The following SBF2 variants were observed in gnomAD, a reference collection of about 807,000 sequenced individuals.
The protein encoded by SBF2 is SET binding factor 2, also known as myotubularin-related protein 13.
SBF2 carries 112 observed loss-of-function variants against 225.2 expected under a neutral mutation model. That is an observed-to-expected ratio of 0.50 (90% confidence interval 0.43 to 0.58). The LOEUF is 0.58. Among genes scored for constraint, SBF2 ranks in the 20% least tolerant of loss-of-function variants. The pLI, the probability that SBF2 is intolerant of heterozygous loss-of-function variation, is 0.00. For missense variants in SBF2, 1,996 were observed against 2,206.2 expected, an observed-to-expected ratio of 0.90 and a Z score of 1.91; for synonymous variants, 763 against 773.3, an observed-to-expected ratio of 0.99 and a Z score of 0.22.
At chr11:9,994,331 C>T (rs940604594) in intron 9 of SBF2, among the ~76,000 whole-genome samples, 31 of 151,510 alleles carry the variant, frequency 2.0e-4, no homozygotes, top group Non-Finnish European at 2.5e-4. Context: ...AAAAATTAGC[C>T]GGGCGTGGTG....
At chr11:10,038,674 T>C (rs1949537832) in intron 3 of SBF2, among the ~76,000 whole-genome samples, 1 of 151,916 alleles carries the variant, frequency 6.6e-6, no homozygotes, top group African/African-American at 2.4e-5. Context: ...TTATGTCTTC[T>C]ATGTCTCTCC....
intron 1 of SBF2, among the ~76,000 whole-genome samples, chr11:10,227,615 A>G (rs571923262): frequency 3.0e-4 from 46 of 152,356 alleles, no homozygotes; most frequent in South Asian, 4.1e-4. Context: ...CAGGTTTGAC[A>G]AAGATCAGAT....
At position 10,291,115 on chromosome 11, in the gene SBF2, T is replaced by C. The variant is rs554075157; in HGVS notation, c.55+2900A>G. Among the ~76,000 whole-genome samples the C allele has an allele frequency of 3.3e-5, 5 of 152,302 alleles. No individual in the cohort carries two copies. In the South Asian group the frequency reaches 1.0e-3, roughly 32 times the overall value. On this transcript the variant is annotated intron_variant, in intron 1 of 39. Coordinates refer to ENST00000256190, the MANE Select transcript of SBF2 (RefSeq NM_030962.4). ...CTCATTGGCCATATAAAGAACAATT[T>C]GAACATCAAAATAAATAATGCTATA...
chr11:9,856,754 C>CCATCA, intron 18 of SBF2, 34 bp from the exon 19 acceptor site: 3 of 1,601,026 alleles, frequency 1.9e-6, no homozygotes, highest in Non-Finnish European at 2.6e-6. Flanking sequence ...CAAAAGAGAA[C>CCATCA]CATCACTTCA....
At chr11:10,282,766 CTA>C (rs1462262035) in intron 1 of SBF2, among the ~76,000 whole-genome samples, 5 of 152,228 alleles carry the variant, frequency 3.3e-5, no homozygotes, top group Admixed American at 3.3e-4. Context: ...AGTCACATTT[CTA>C]TGTTGTTTCT....
chr11:9,828,158 TC>T (rs1855173985), intron 28 of SBF2: 2 of 1,289,694 alleles, frequency 1.6e-6, no homozygotes, highest in Non-Finnish European at 2.0e-6. Flanking sequence ...TGGGTTTACA[TC>T]CAAATGTCCT....
chr11:10,140,909 A>C (rs1406582430), intron 2 of SBF2, among the ~76,000 whole-genome samples: 2 of 152,228 alleles, frequency 1.3e-5, no homozygotes, highest in East Asian at 3.8e-4. Flanking sequence ...AAATATTTTA[A>C]GTATAGGAAA....
intron 12 of SBF2, among the ~76,000 whole-genome samples, chr11:9,991,993 T>C (rs968605421): frequency 2.2e-4 from 34 of 152,260 alleles, no homozygotes; most frequent in African/African-American, 7.2e-4. Context: ...AAATAAGACT[T>C]CTATTTATAC....
chr11:10,050,341 T>C (rs1191500845), intron 2 of SBF2, among the ~76,000 whole-genome samples: 1 of 152,162 alleles, frequency 6.6e-6, no homozygotes, highest in Non-Finnish European at 1.5e-5. Flanking sequence ...CTCTTATCCA[T>C]GGAGGATATG....
intron 14 of SBF2, among the ~76,000 whole-genome samples, chr11:9,967,971 C>CTCTCTCTCTATATATATATATATATA (rs1260685462): frequency 2.2e-5 from 2 of 91,508 alleles, no homozygotes; most frequent in African/African-American, 7.6e-5. Flanking sequence ...CTCTCTCTCT[C>CTCTCTCTCTATATATATATATATATA]TATATATATA....
At chr11:10,243,425 A>C (rs928696769) in intron 1 of SBF2, among the ~76,000 whole-genome samples, 7 of 152,032 alleles carry the variant, frequency 4.6e-5, no homozygotes, top group South Asian at 2.1e-4. Context: ...GAAAAAAAAG[A>C]ACACACCAAA....
At chr11:9,963,528 G>C (rs1304872516) in intron 15 of SBF2, among the ~76,000 whole-genome samples, 1 of 152,094 alleles carries the variant, frequency 6.6e-6, no homozygotes, top group Non-Finnish European at 1.5e-5. Context: ...ATAGTGTTTT[G>C]TGAACAATGT....
chr11:10,299,645 G>A (rs1400474802), intron 1 of SBF2, among the ~76,000 whole-genome samples: 8 of 152,140 alleles, frequency 5.3e-5, no homozygotes, highest in Non-Finnish European at 8.8e-5. Context: ...AGAGCAGGCC[G>A]TGTGCTACTG....
intron 13 of SBF2, among the ~76,000 whole-genome samples, chr11:9,984,779 C>T (rs554614168): frequency 2.0e-4 from 30 of 152,294 alleles, no homozygotes; most frequent in African/African-American, 5.8e-4. Flanking sequence ...CTATCTTCAG[C>T]CTCCTCAAAC....
intron 2 of SBF2, among the ~76,000 whole-genome samples, chr11:10,139,428 C>T (rs1954540009): frequency 6.6e-6 from 1 of 152,114 alleles, no homozygotes; most frequent in African/African-American, 2.4e-5. Flanking sequence ...ATATATGAGG[C>T]TATTGAACAC....
intron 36 of SBF2, among the ~76,000 whole-genome samples, chr11:9,786,330 T>G (rs953052085): frequency 5.3e-5 from 8 of 152,330 alleles, no homozygotes; most frequent in Admixed American, 3.3e-4. Flanking sequence ...TTATGGGTGA[T>G]TCTCATCTTT....
intron 16 of SBF2, among the ~76,000 whole-genome samples, chr11:9,951,964 T>C (rs7938570): frequency 0.11 from 17,268 of 152,270 alleles, 1,100 homozygotes; most frequent in Non-Finnish European, 0.13. Context: ...AGCTTCATTA[T>C]AGTATGCCCT....
At chr11:9,870,067 A>G (rs1858597621) in intron 17 of SBF2, among the ~76,000 whole-genome samples, 1 of 152,170 alleles carries the variant, frequency 6.6e-6, no homozygotes, top group African/African-American at 2.4e-5. Context: ...ACAACAGGCA[A>G]GCAGAGAGCC....
chr11:9,792,497 C>A (rs1378157557), intron 33 of SBF2, among the ~76,000 whole-genome samples: 1 of 151,998 alleles, frequency 6.6e-6, no homozygotes, highest in Non-Finnish European at 1.5e-5. Context: ...CTCTCCACTT[C>A]GTCATTTTGG....
Sources: allele counts gnomAD v4.1 joint callset (sites outside exome capture counted in the v4.1 genomes callset), GRCh38; gene constraint gnomAD v4.1.1; transcripts MANE v1.5; gene names NCBI Gene and HGNC (gene_info 2026-07-23, HGNC 2026-07-21).